The following IRF2 variants were observed in gnomAD, a reference collection of about 807,000 sequenced individuals.
IRF2 encodes the protein interferon regulatory factor 2.
A neutral mutation model predicts 40.6 loss-of-function variants in IRF2; 15 were observed. That is an observed-to-expected ratio of 0.37 (90% CI 0.25 to 0.57). The LOEUF (loss-of-function observed/expected upper bound fraction) is 0.57. Ranked by LOEUF, IRF2 falls within the 20% of genes least tolerant of loss-of-function variation. The probability of loss-of-function intolerance (pLI) is 0.77; values close to 1 mark genes in which losing one functional copy is unlikely to be tolerated. For synonymous variants in IRF2, 151 were observed against 165.5 expected, an observed-to-expected ratio of 0.91 and a Z score of 0.67; for missense variants, 317 against 455.7, an observed-to-expected ratio of 0.70 and a Z score of 2.77.
chr4:184,470,332 G>A (rs991099899), intron 1 of IRF2, among the ~76,000 whole-genome samples: 3 of 152,030 alleles, frequency 2.0e-5, no homozygotes, highest in Admixed American at 6.5e-5. Flanking sequence ...CATGTATGTT[G>A]TCACATATAC....
intron 6 of IRF2, among the ~76,000 whole-genome samples, chr4:184,400,078 C>G (rs1736612438): frequency 6.6e-6 from 1 of 152,182 alleles, no homozygotes. Flanking sequence ...TGTGTACCTG[C>G]ACCAGGACTA....
At chr4:184,472,172 G>A (rs1366299928) in intron 1 of IRF2, 1 of 152,144 alleles carries the variant, frequency 6.6e-6, no homozygotes, top group Non-Finnish European at 1.5e-5. Flanking sequence ...CTCAGAAAAG[G>A]CTCCTTTTCC....
chr4:184,436,277 G>A lies in IRF2; in HGVS notation c.-6-7207C>T, dbSNP rs180734199. Among the ~76,000 whole-genome samples, 1,175 of 152,222 alleles carry A rather than the reference G, an allele frequency of 7.7e-3. 8 individuals are homozygous for A. Among genetic ancestry groups the A allele is most frequent in the Non-Finnish European group, 0.013 (882 of 68,028 alleles). On this transcript the variant is annotated intron_variant, in intron 1 of 8. Transcript: ENST00000393593. ...GGCGTGAGCCACTGCGCCCGGCCAT[G>A]GAACGCCTTTTCTTATTACCCAGTC...
At chr4:184,399,720 C>G (rs926131884) in intron 6 of IRF2, among the ~76,000 whole-genome samples, 2 of 152,198 alleles carry the variant, frequency 1.3e-5, no homozygotes, top group Non-Finnish European at 2.9e-5. Context: ...GGCAACATGT[C>G]CAACTGGCTG....
At chr4:184,409,942 A>C (rs542495647) in intron 5 of IRF2, among the ~76,000 whole-genome samples, 1 of 151,918 alleles carries the variant, frequency 6.6e-6, no homozygotes, top group South Asian at 2.1e-4. Context: ...AAAACAAAAA[A>C]CAAAAAACAA....
At chr4:184,390,249 G>A (rs897281323) in intron 8 of IRF2, among the ~76,000 whole-genome samples, 2 of 152,210 alleles carry the variant, frequency 1.3e-5, no homozygotes, top group Non-Finnish European at 2.9e-5. Flanking sequence ...GAATCGAGAT[G>A]GGGCACACAA....
chr4:184,452,395 G>T (rs1738745879), intron 1 of IRF2, among the ~76,000 whole-genome samples: 1 of 152,208 alleles, frequency 6.6e-6, no homozygotes, highest in African/African-American at 2.4e-5. Context: ...GCCATATCCA[G>T]AGGCTCCCAG....
chr4:184,397,768 T>C (rs545159223), intron 7 of IRF2, among the ~76,000 whole-genome samples: 25 of 152,356 alleles, frequency 1.6e-4, no homozygotes, highest in African/African-American at 6.0e-4. Context: ...CTGCTTTTTA[T>C]TTTTAATATC....
intron 5 of IRF2, 135 bp downstream of exon 5, chr4:184,418,032 A>C (rs1737346434): frequency 4.1e-6 from 3 of 734,392 alleles, no homozygotes; most frequent in African/African-American, 1.8e-5. Flanking sequence ...AAGAGCAAAC[A>C]TGTAAAGCAC....
At chr4:184,419,369 C>T (rs1737397385) in intron 3 of IRF2, 100 bp downstream of exon 3, 1 of 813,334 alleles carries the variant, frequency 1.2e-6, no homozygotes, top group East Asian at 2.4e-5. Flanking sequence ...TTTTTCAGAG[C>T]CATCTTCATG....
At chr4:184,418,141 T>A (rs1327118300) in intron 5 of IRF2, 26 bp downstream of exon 5, 1 of 1,599,962 alleles carries the variant, frequency 6.3e-7, no homozygotes, top group Non-Finnish European at 8.6e-7. Context: ...CAACTTTGGC[T>A]TTCTCTCTGA....
Position 184,398,896 on chromosome 4 carries a change from G to A in IRF2, c.694+19C>T, listed in dbSNP as rs1409344949. 1.9e-6 allele frequency: 3 copies of A among 1,570,672 alleles called. No homozygotes were observed. The highest frequency in any genetic ancestry group is 1.7e-6 in the Non-Finnish European group (2 of 1,161,082). On this transcript the variant is annotated intron_variant, in intron 7 of 8. Transcript: ENST00000393593. ...GCGGCCGGTTCCCACGCCTCCCGGA[G>A]CCTCCCGCTGACGCTTACCTGCATA...
chr4:184,412,034 CT>C (rs1266556154), intron 5 of IRF2, among the ~76,000 whole-genome samples: 1 of 143,442 alleles, frequency 7.0e-6, no homozygotes, highest in Admixed American at 6.9e-5. Flanking sequence ...AAAAAAGACT[CT>C]GCTTGGGTCC....
At chr4:184,398,088 C>T (rs766189244) in intron 7 of IRF2, among the ~76,000 whole-genome samples, 8 of 152,112 alleles carry the variant, frequency 5.3e-5, no homozygotes. Flanking sequence ...AGGACAAGTA[C>T]GCTTGGTGGA....
At chr4:184,441,883 G>C (rs793794) in intron 1 of IRF2, among the ~76,000 whole-genome samples, 1 of 152,076 alleles carries the variant, frequency 6.6e-6, no homozygotes, top group African/African-American at 2.4e-5. Flanking sequence ...CAGAGCTACT[G>C]AGTGGTAGAA....
chr4:184,388,069 T>C lies in IRF2; in HGVS notation c.*689A>G, dbSNP rs1736120622. ...ATGATACTTTTTCCTTTGTACCGCG[T>C]GGCATTCAAGCATAGCAGATTAGAA... On this transcript the variant is annotated 3_prime_UTR_variant, in exon 9 of 9. Coordinates refer to ENST00000393593, the MANE Select transcript of IRF2 (RefSeq NM_002199.4). The surrounding 1 kb of genome is among the most constrained non-coding windows in gnomAD (Gnocchi z 4.6). 6.5e-6 allele frequency: 1 copy of C among 152,676 alleles called. No homozygotes were observed. Among genetic ancestry groups the C allele is most frequent in the African/African-American group, 2.4e-5 (1 of 41,452 alleles). 9.5% of individuals were successfully genotyped at this position (152,676 alleles called of 1,614,324 possible). A position where few individuals can be genotyped will look rare whatever the true frequency, so the allele number is the denominator to read the frequency against.
At chr4:184,405,407 T>C (rs768823233) in intron 6 of IRF2, among the ~76,000 whole-genome samples, 26 of 152,192 alleles carry the variant, frequency 1.7e-4, no homozygotes, top group Non-Finnish European at 2.9e-4. Flanking sequence ...ACAAAGCCTT[T>C]GCAGCTGCTC....
chr4:184,437,429 C>T (rs548916159), intron 1 of IRF2, among the ~76,000 whole-genome samples: 1 of 152,190 alleles, frequency 6.6e-6, no homozygotes, highest in African/African-American at 2.4e-5. Flanking sequence ...GAACTCCTGG[C>T]CTCAAGTGAT....
intron 1 of IRF2, among the ~76,000 whole-genome samples, chr4:184,441,369 A>T (rs1738297504): frequency 6.6e-6 from 1 of 152,252 alleles, no homozygotes; most frequent in Non-Finnish European, 1.5e-5. Flanking sequence ...AAAGATGGAA[A>T]CATCGTTTCC....
Sources: gnomAD v4.1 joint callset for allele counts (sites outside exome capture counted in the v4.1 genomes callset) on GRCh38, gnomAD v4.1.1 for gene constraint, Gnocchi (gnomAD v3.1) non-coding constraint, MANE v1.5 for transcripts, NCBI Gene and HGNC (gene_info 2026-07-23, HGNC 2026-07-21) for gene names.